The following PRKCZ variants were observed in gnomAD, a reference collection of about 807,000 sequenced individuals.
PRKCZ encodes protein kinase C zeta type.
Under a neutral mutation model 79.5 loss-of-function variants are expected in PRKCZ, and 33 were observed. The ratio of observed to expected loss-of-function variants is 0.41; its 90% confidence interval spans 0.31 to 0.55. The LOEUF is 0.55. PRKCZ is among the 20% of genes least tolerant of loss of function. The pLI is 0.19. For synonymous variants in PRKCZ, 342 were observed against 320.9 expected, an observed-to-expected ratio of 1.07 and a Z score of -0.70; for missense variants, 578 against 813.5, an observed-to-expected ratio of 0.71 and a Z score of 3.52.
intron 4 of PRKCZ, among the ~76,000 whole-genome samples, chr1:2,091,630 C>T (rs979334854): frequency 1.3e-5 from 2 of 152,154 alleles, no homozygotes; most frequent in African/African-American, 4.8e-5. Context: ...GCCTCTCACG[C>T]CTGTGGCCGC....
chr1:2,136,002 G>A (rs889183396), intron 5 of PRKCZ, among the ~76,000 whole-genome samples: 4 of 152,142 alleles, frequency 2.6e-5, no homozygotes, highest in African/African-American at 9.7e-5. Flanking sequence ...GGGGTGCGTG[G>A]AAGTATACAG....
chr1:2,055,424 T>C lies in PRKCZ; in HGVS notation c.72-17T>C, dbSNP rs200830786. 267 of 1,595,864 alleles carry C rather than the reference T, an allele frequency of 1.7e-4. No homozygotes were observed. Among genetic ancestry groups the C allele is most frequent in the Non-Finnish European group, 2.1e-4 (251 of 1,169,610 alleles). On this transcript the variant is annotated splice_polypyrimidine_tract_variant and intron_variant, in intron 1 of 17. Transcript: ENST00000378567. Reference sequence around the variant, plus strand: ...TATGCCCCACGGTAACAGATGCCCATGTCCCCTCTGCCCCAGGGACATCTT... The same window carrying C: ...TATGCCCCACGGTAACAGATGCCCACGTCCCCTCTGCCCCAGGGACATCTT...
chr1:2,067,052 T>C (rs1661178288), intron 4 of PRKCZ, among the ~76,000 whole-genome samples: 1 of 152,280 alleles, frequency 6.6e-6, no homozygotes, highest in Non-Finnish European at 1.5e-5. Context: ...GTGTGTAGTG[T>C]TATTTCCATA....
chr1:2,156,469 G>C (rs1681069420), intron 10 of PRKCZ: 4 of 217,334 alleles, frequency 1.8e-5, no homozygotes, highest in Admixed American at 5.1e-5. Context: ...ACATTTGAAA[G>C]CTGATGATCT....
At chr1:2,084,536 G>A (rs1372051427) in intron 4 of PRKCZ, among the ~76,000 whole-genome samples, 3 of 152,192 alleles carry the variant, frequency 2.0e-5, no homozygotes, top group Admixed American at 1.3e-4. Context: ...GCGTACCTGC[G>A]TCCGGCCCAC....
At chr1:2,093,275 G>C (rs951786213) in intron 4 of PRKCZ, among the ~76,000 whole-genome samples, 1 of 152,110 alleles carries the variant, frequency 6.6e-6, no homozygotes. Context: ...CGCTGGCCTC[G>C]CTGCTTCCTG....
At chr1:2,074,906 C>A in intron 4 of PRKCZ, 1 of 152,028 alleles carries the variant, frequency 6.6e-6, no homozygotes. Context: ...CCAGCCTCCC[C>A]AGTCAGGCTT....
intron 4 of PRKCZ, among the ~76,000 whole-genome samples, chr1:2,070,908 C>T (rs1480345005): frequency 6.6e-6 from 1 of 152,216 alleles, no homozygotes; most frequent in Admixed American, 6.5e-5. Flanking sequence ...CCAGATCCAT[C>T]CCCTGGCCCG....
chr1:2,106,881 G>C (rs1055577131), intron 4 of PRKCZ, among the ~76,000 whole-genome samples: 1 of 147,868 alleles, frequency 6.8e-6, no homozygotes, highest in Non-Finnish European at 1.5e-5. Context: ...CCCTCCACAC[G>C]TGTCACCAGG....
chr1:2,121,676 G>GGTA lies in PRKCZ; in HGVS notation c.335-13584_335-13583insAGT. 3.2e-4 allele frequency among the ~76,000 whole-genome samples: 6 copies of GGTA among 18,560 alleles called. 1 individual carries two copies. The highest frequency in any genetic ancestry group is 2.8e-3 in the African/African-American group (6 of 2,148). 12.2% of individuals were successfully genotyped at this position (18,560 alleles called of 152,430 possible). A position where few individuals can be genotyped will look rare whatever the true frequency, so the allele number is the denominator to read the frequency against. On this transcript the variant is annotated intron_variant, in intron 4 of 17. Coordinates refer to ENST00000378567, the MANE Select transcript of PRKCZ (RefSeq NM_002744.6). ...CGGTGGTGGTTAGGGTCGTGGTGGT[G>GGTA]GTTAGGGTCACGGTGGTGGTTAGGG...
chr1:2,171,064 C>T (rs1462893509), intron 11 of PRKCZ, among the ~76,000 whole-genome samples: 1 of 152,148 alleles, frequency 6.6e-6, no homozygotes, highest in Non-Finnish European at 1.5e-5. Flanking sequence ...GGCGTGGTGG[C>T]TCACGCCTGT....
chr1:2,068,211 G>A (rs1372093796), intron 4 of PRKCZ, among the ~76,000 whole-genome samples: 1 of 152,258 alleles, frequency 6.6e-6, no homozygotes, highest in East Asian at 1.9e-4. Flanking sequence ...AGCATCGCTA[G>A]GGAGGGGTGG....
chr1:2,088,097 C>T (rs750670310), intron 4 of PRKCZ, among the ~76,000 whole-genome samples: 2 of 152,198 alleles, frequency 1.3e-5, no homozygotes, highest in Non-Finnish European at 2.9e-5. Context: ...CGGATGCTGC[C>T]TGAGTTGGGG....
chr1:2,082,519 G>A lies in PRKCZ; in HGVS notation c.334+22928G>A, dbSNP rs543976875. On this transcript the variant is annotated intron_variant, in intron 4 of 17. Transcript: ENST00000378567. The surrounding 1 kb of genome is among the most constrained non-coding windows in gnomAD (Gnocchi z 4.4). ...CCGGTTTTGTGATGTGGGCAGTGCC[G>A]TGCTGGTAAATGCTCTGTGAGGAAG... 8.1e-5 allele frequency: 34 copies of A among 420,280 alleles called. No individual in the cohort carries two copies. The highest frequency in any genetic ancestry group is 3.7e-4 in the Admixed American group (14 of 37,954). 26.0% of individuals were successfully genotyped at this position (420,280 alleles called of 1,614,324 possible).
rs1372192688 is a variant in PRKCZ at position 2,102,607 on chromosome 1, C to T, written c.335-32655C>T. Among the ~76,000 whole-genome samples, 6 of 152,306 alleles carry T rather than the reference C, an allele frequency of 3.9e-5. No individual in the cohort carries two copies. In the East Asian group the frequency reaches 7.7e-4, roughly 20 times the overall value. ...TTGGCCTCCCAAAGTGCTAGGATTA[C>T]AGGTGTGAGCCACCGTGCCCGGCCC... On this transcript the variant is annotated intron_variant, in intron 4 of 17. Coordinates refer to ENST00000378567, the MANE Select transcript of PRKCZ (RefSeq NM_002744.6).
In PRKCZ at chr1:2,185,006, G is replaced by T. The variant is rs1387922418; in HGVS notation, c.1776G>T (p.Val592=). Residue 592 remains valine, a synonymous_variant, in exon 18 of 18, where the codon GTG becomes GTT. Transcript: ENST00000378567. ...NPLLLSTEES[V] Reference sequence around the variant, plus strand: ...TATTGCTGTCCACCGAGGAGTCGGTGTGAGGCCGCGTGCGTCTCTGTCGTG... The same window carrying T: ...TATTGCTGTCCACCGAGGAGTCGGTTTGAGGCCGCGTGCGTCTCTGTCGTG... 9 of 1,611,430 alleles carry T rather than the reference G, an allele frequency of 5.6e-6. No homozygotes were observed. The South Asian group carries it at 9.9e-5, about 18-fold the overall frequency.
chr1:2,059,380 C>T (rs1420645049), intron 3 of PRKCZ, among the ~76,000 whole-genome samples, 161 bp from the exon 4 acceptor site: 3 of 152,320 alleles, frequency 2.0e-5, no homozygotes, highest in Middle Eastern at 3.4e-3. Flanking sequence ...CGTAGACGCA[C>T]GGGGTTTTGC....
Position 2,169,584 on chromosome 1 carries a change from G to T in PRKCZ, c.1041G>T (p.Lys347Asn), listed in dbSNP as rs1684013694. The T allele has an allele frequency of 2.0e-6, 3 of 1,523,946 alleles. No homozygotes were observed. The highest frequency in any genetic ancestry group is 2.7e-6 in the Non-Finnish European group (3 of 1,128,374). 94.4% of individuals were successfully genotyped at this position (1,523,946 alleles called of 1,614,324 possible). A position where few individuals can be genotyped will look rare whatever the true frequency, so the allele number is the denominator to read the frequency against. ...TGTTCCACATGCAGAGGCAGAGGAAGCTCCCTGAGGAGCACGCCAGGTGGG... is the reference window on the plus strand; with the variant it reads ...TGTTCCACATGCAGAGGCAGAGGAATCTCCCTGAGGAGCACGCCAGGTGGG... ...DLMFHMQRQR[K>N]LPEEHARFYA... The change falls in exon 11 of 18, where the codon AAG becomes AAT. Residue 347 changes from lysine to asparagine, a missense_variant. By Grantham distance (94) the Lys-to-Asn change is moderately conservative. Around this residue, in one of 4 missense-constraint regions of PRKCZ, gnomAD observed 243 missense variants for 467.0 expected, o/e 0.52. Transcript: ENST00000378567.
intron 4 of PRKCZ, among the ~76,000 whole-genome samples, chr1:2,121,263 G>A (rs1461404462): frequency 6.6e-6 from 1 of 152,222 alleles, no homozygotes; most frequent in Non-Finnish European, 1.5e-5. Context: ...GGGGAGCCTG[G>A]AGGCCCATTC....
Sources: allele counts gnomAD v4.1 joint callset (sites outside exome capture counted in the v4.1 genomes callset), GRCh38; gene constraint gnomAD v4.1.1; regional missense constraint gnomAD v4.1.1; non-coding constraint Gnocchi (gnomAD v3.1); transcripts MANE v1.5; gene names NCBI Gene and HGNC (gene_info 2026-07-23, HGNC 2026-07-21).